The following ZNF716 variants were observed in gnomAD, a reference collection of about 807,000 sequenced individuals.
ZNF716 encodes zinc finger protein 716.
Under a neutral mutation model 13.4 loss-of-function variants are expected in ZNF716, and 9 were observed. The ratio of observed to expected loss-of-function variants is 0.67; its 90% CI spans 0.41 to 1.18. The LOEUF (loss-of-function observed/expected upper bound fraction) is 1.18. Among genes scored for constraint, ZNF716 ranks in the 50% most tolerant of loss-of-function variants. The pLI, the probability that ZNF716 is intolerant of heterozygous loss-of-function variation, is 0.01. For missense variants in ZNF716, 581 were observed against 576.6 expected (o/e 1.01, Z -0.08); for synonymous variants, 186 against 195.2 (o/e 0.95, Z 0.39).
intron 1 of ZNF716, among the ~76,000 whole-genome samples, chr7:57,459,927 C>T (rs1227696409): frequency 2.0e-5 from 3 of 151,916 alleles, no homozygotes; most frequent in South Asian, 2.1e-4. Flanking sequence ...TCTTTCTGCC[C>T]GTGGGTGTGT....
chr7:57,468,863 G>T lies in ZNF716; in HGVS notation c.402G>T (p.Glu134Asp). Residue 134 changes from glutamate (E) to aspartate (D), a missense_variant, in exon 4 of 4, where the codon GAG becomes GAT. Coordinates refer to ENST00000420713, the MANE Select transcript of ZNF716 (RefSeq NM_001159279.1). ...AAAAATGCTGTAAAAGTGTAGGTGA[G>T]TGTGAGGTGCACAAAGGAGGTTATA... The part of the protein sequence containing the change: ...QVKKCCKSVG[E>D]CEVHKGGYNY... 1 of 1,613,666 alleles carries T rather than the reference G, an allele frequency of 6.2e-7. No homozygotes were observed. Among genetic ancestry groups the T allele is most frequent in the Non-Finnish European group, 8.5e-7 (1 of 1,179,816 alleles).
rs1554324847 is a variant in ZNF716 at position 57,469,590 on chromosome 7, G to C, written c.1129G>C (p.Glu377Gln). 6 of 1,612,908 alleles carry C rather than the reference G, an allele frequency of 3.7e-6. No individual in the cohort carries two copies. Among genetic ancestry groups the C allele is most frequent in the African/African-American group, 1.3e-5 (1 of 74,732 alleles). Residue 377 changes from glutamate to glutamine, a missense_variant, in exon 4 of 4, where the codon GAG (glutamate) becomes CAG (glutamine). By Grantham distance (29) the Glu-to-Gln change is conservative. Coordinates refer to ENST00000420713, the MANE Select transcript of ZNF716 (RefSeq NM_001159279.1). ...LNTHKRIHTGEKPYTCEECGK... is the reference protein window; with the variant it reads ...LNTHKRIHTGQKPYTCEECGK... ...TACTCATAAGAGGATTCATACTGGA[G>C]AGAAACCCTACACTTGTGAAGAATG...
intron 3 of ZNF716, among the ~76,000 whole-genome samples, chr7:57,466,734 C>A (rs1314032502): frequency 6.6e-6 from 1 of 151,978 alleles, no homozygotes; most frequent in Non-Finnish European, 1.5e-5. Flanking sequence ...TGAATTAATA[C>A]ACTATATTAT....
rs1554325133 is a variant in ZNF716, at chr7:57,470,504, A to T, written c.*555A>T. 6.5e-6 allele frequency: 1 copy of T among 153,582 alleles called. No individual in the cohort carries two copies. The highest frequency in any genetic ancestry group is 1.9e-4 in the East Asian group (1 of 5,204). The allele number at this position is 153,582 out of a possible 1,614,324, so 9.5% of individuals were successfully genotyped here. On this transcript the variant is annotated 3_prime_UTR_variant, in exon 4 of 4. Transcript: ENST00000420713. ...AACATTTAAGCACATCTCAGGCCTT[A>T]CACAATATCAGATAATTCATTCTAG...
At chr7:57,450,463 G>C (rs1322070510) in intron 1 of ZNF716, 136 bp downstream of exon 1, 1 of 1,497,934 alleles carries the variant, frequency 6.7e-7, no homozygotes, top group South Asian at 1.2e-5. Flanking sequence ...GTCCCAGCTC[G>C]GCTCTTAGTC....
intron 1 of ZNF716, among the ~76,000 whole-genome samples, chr7:57,459,026 A>G (rs1416927519): frequency 6.6e-6 from 1 of 152,132 alleles, no homozygotes; most frequent in Non-Finnish European, 1.5e-5. Flanking sequence ...TTCTGGCTTA[A>G]TTTCATTATT....
chr7:57,450,274 A>G lies in ZNF716; in HGVS notation c.-15A>G, dbSNP rs782576067. 1.9e-6 allele frequency: 3 copies of G among 1,613,986 alleles called. No homozygotes were observed. Among genetic ancestry groups the G allele is most frequent in the East Asian group, 4.5e-5 (2 of 44,858 alleles). On this transcript the variant is annotated 5_prime_UTR_variant, in exon 1 of 4. Transcript: ENST00000420713. The stretch of plus-strand genomic sequence containing the variant: ...AGCCTCTGTGGCCTTGTGTCCTGCA[A>G]GTATTCGCAGATTTATGGCTAAAAG...
chr7:57,460,295 T>C (rs1554322825), intron 1 of ZNF716, among the ~76,000 whole-genome samples: 2 of 148,578 alleles, frequency 1.3e-5, no homozygotes, highest in Non-Finnish European at 3.0e-5. Flanking sequence ...CTCAGGGGGC[T>C]GAGGCAGTAG....
rs1789904522 is a variant in ZNF716, at chr7:57,470,220, A to G, written c.*271A>G. 2 of 257,370 alleles carry G rather than the reference A, an allele frequency of 7.8e-6. No individual in the cohort carries two copies. The highest frequency in any genetic ancestry group is 1.5e-5 in the Non-Finnish European group (2 of 136,622). 15.9% of individuals were successfully genotyped at this position (257,370 alleles called of 1,614,324 possible). ...CACTTTGTCACCCAGGCTGGAGTGC[A>G]GTGGCACGATGTCAGCTCACTGCAA... On this transcript the variant is annotated 3_prime_UTR_variant, in exon 4 of 4. Transcript: ENST00000420713.
intron 1 of ZNF716, among the ~76,000 whole-genome samples, chr7:57,456,604 G>A (rs1453751536): frequency 2.0e-5 from 3 of 152,054 alleles, no homozygotes; most frequent in African/African-American, 4.8e-5. Flanking sequence ...GCATGGTGAC[G>A]GGTGCCTGTA....
chr7:57,463,014 G>T, intron 2 of ZNF716, 59 bp from the exon 3 acceptor site: 1 of 1,589,870 alleles, frequency 6.3e-7, no homozygotes. Flanking sequence ...CATAATACTT[G>T]TTTGGTAATT....
chr7:57,471,113 T>C lies in ZNF716; in HGVS notation c.*1164T>C, dbSNP rs1789927044. 6.6e-6 allele frequency: 1 copy of C among 152,140 alleles called. No individual in the cohort carries two copies. Among genetic ancestry groups the C allele is most frequent in the Admixed American group, 6.6e-5 (1 of 15,254 alleles). 9.4% of individuals were successfully genotyped at this position (152,140 alleles called of 1,614,324 possible). A position where few individuals can be genotyped will look rare whatever the true frequency, so the allele number is the denominator to read the frequency against. On this transcript the variant is annotated 3_prime_UTR_variant, in exon 4 of 4. Coordinates refer to ENST00000420713, the MANE Select transcript of ZNF716 (RefSeq NM_001159279.1). ...ACATCTTACTCAATATCAGAAAGTT[T>C]ATACTTAACAAAAGCATTATAGGCT...
In ZNF716 at chr7:57,471,439, T is replaced by A. The variant is rs1209514120; in HGVS notation, c.*1490T>A. The A allele has an allele frequency of 2.7e-5, 4 of 149,136 alleles. No homozygotes were observed. Among genetic ancestry groups the A allele is most frequent in the Admixed American group, 6.7e-5 (1 of 14,896 alleles). 9.2% of individuals were successfully genotyped at this position (149,136 alleles called of 1,614,324 possible). On this transcript the variant is annotated 3_prime_UTR_variant, in exon 4 of 4. Coordinates refer to ENST00000420713, the MANE Select transcript of ZNF716 (RefSeq NM_001159279.1). ...TAAAAAAAAAAAAAAAGCGTAAATG[T>A]GATTACTGTAAAAAGACCTTTCAGA...
intron 1 of ZNF716, among the ~76,000 whole-genome samples, chr7:57,458,761 T>G (rs1460070248): frequency 3.9e-5 from 6 of 152,234 alleles, no homozygotes; most frequent in Non-Finnish European, 8.8e-5. Flanking sequence ...GTTATTTAAC[T>G]ATAAATATTT....
intron 1 of ZNF716, among the ~76,000 whole-genome samples, chr7:57,457,128 A>T (rs1014817518): frequency 6.6e-6 from 1 of 152,144 alleles, no homozygotes; most frequent in South Asian, 2.1e-4. Context: ...CAAAGTGCCT[A>T]CAAGTTTCCT....
chr7:57,470,154 C>A lies in ZNF716; in HGVS notation c.*205C>A. 2.0e-6 allele frequency: 1 copy of A among 499,174 alleles called. No homozygotes were observed. Among genetic ancestry groups the A allele is most frequent in the Non-Finnish European group, 3.2e-6 (1 of 312,336 alleles). 30.9% of individuals were successfully genotyped at this position (499,174 alleles called of 1,614,324 possible). On this transcript the variant is annotated 3_prime_UTR_variant, in exon 4 of 4. Coordinates refer to ENST00000420713, the MANE Select transcript of ZNF716 (RefSeq NM_001159279.1). ...ACCACCCCTCAAACCTTAATGAACC[C>A]AAGAGAATTTATTTAAAAAAATTTT...
Position 57,469,976 on chromosome 7 carries a change from T to TATA in ZNF716, c.*31_*33dup, listed in dbSNP as rs1554325020. Reference sequence around the variant, plus strand: ...GTGGTAAAGTCCAGCCCTCAGGCCTTATAATACATAAAATAATTTATACTG... The same window carrying TATA: ...GTGGTAAAGTCCAGCCCTCAGGCCTTATAATAATACATAAAATAATTTATACTG... On this transcript the variant is annotated 3_prime_UTR_variant, in exon 4 of 4. Transcript: ENST00000420713. 11 of 1,489,182 alleles carry TATA rather than the reference T, an allele frequency of 7.4e-6. No individual in the cohort carries two copies. The highest frequency in any genetic ancestry group is 1.8e-4 in the Middle Eastern group (1 of 5,664). 92.2% of individuals were successfully genotyped at this position (1,489,182 alleles called of 1,614,324 possible).
rs1789929786 is a variant in ZNF716 at position 57,471,236 on chromosome 7, G to A, written c.*1287G>A. 1.3e-5 allele frequency: 2 copies of A among 152,004 alleles called. No individual in the cohort carries two copies. The highest frequency in any genetic ancestry group is 1.3e-4 in the Admixed American group (2 of 15,218). 9.4% of individuals were successfully genotyped at this position (152,004 alleles called of 1,614,324 possible). A position where few individuals can be genotyped will look rare whatever the true frequency, so the allele number is the denominator to read the frequency against. On this transcript the variant is annotated 3_prime_UTR_variant, in exon 4 of 4. Transcript: ENST00000420713. ...TCAAGACCAGCCTGGCTAACATGGTGAATCCCCATCTCTACTAAAAACACA... is the reference window on the plus strand; with the variant it reads ...TCAAGACCAGCCTGGCTAACATGGTAAATCCCCATCTCTACTAAAAACACA...
chr7:57,469,795 T>G lies in ZNF716; in HGVS notation c.1334T>G (p.Phe445Cys), dbSNP rs782075340. The part of the protein sequence containing the change: ...LYKCKECGKA[F>C]TFSSTLNTHK... ...AAATGTAAAGAATGTGGGAAAGCCT[T>G]TACCTTCTCCTCAACTCTAAATACT... Residue 445 changes from phenylalanine (F) to cysteine (C), a missense_variant, in exon 4 of 4, where the codon TTT (phenylalanine) becomes TGT (cysteine). Transcript: ENST00000420713. 8.1e-6 allele frequency: 13 copies of G among 1,606,512 alleles called. No individual in the cohort carries two copies. The highest frequency in any genetic ancestry group is 1.1e-5 in the Non-Finnish European group (13 of 1,176,130).
Sources: gnomAD v4.1 joint callset for allele counts (sites outside exome capture counted in the v4.1 genomes callset) on GRCh38, gnomAD v4.1.1 for gene constraint, MANE v1.5 for transcripts, NCBI Gene and HGNC (gene_info 2026-07-23, HGNC 2026-07-21) for gene names.